Variants in BCL11A observed in about 807,000 individuals in gnomAD.
BCL11A encodes BCL11 transcription factor A, also known as B cell CLL/lymphoma 11A.
A neutral mutation model predicts 55.9 loss-of-function variants in BCL11A; 2 were observed. That is an observed-to-expected ratio of 0.04 (90% confidence interval 0.01 to 0.11). The LOEUF is 0.11. Ranked by LOEUF, BCL11A falls within the 10% of genes least tolerant of loss-of-function variation. The probability of loss-of-function intolerance (pLI) is 1.00; values close to 1 mark genes in which losing one functional copy is unlikely to be tolerated. For missense variants in BCL11A, 817 were observed against 1,137.1 expected, an observed-to-expected ratio of 0.72 and a Z score of 4.05; for synonymous variants, 465 against 473.4, an observed-to-expected ratio of 0.98 and a Z score of 0.23.
intron 2 of BCL11A, among the ~76,000 whole-genome samples, chr2:60,469,258 C>G (rs980191381): frequency 6.6e-6 from 1 of 152,192 alleles, no homozygotes; most frequent in Admixed American, 6.5e-5. Flanking sequence ...TAGACAAACC[C>G]AAGCAAAAAG....
Position 60,495,084 on chromosome 2 carries a change from G to A in BCL11A, c.386-26251C>T, listed in dbSNP as rs147659683. Among the ~76,000 whole-genome samples the A allele has an allele frequency of 1.3e-4, 20 of 152,254 alleles. 1 individual carries two copies. In the East Asian group the frequency reaches 2.3e-3, roughly 18 times the overall value. ...CCTTTACAATTTTGGGAGTCCACAC[G>A]GCATGGCATACAAATTATTTCATTC... is the stretch of plus-strand genomic sequence containing the variant. On this transcript the variant is annotated intron_variant, in intron 2 of 3. Coordinates refer to ENST00000642384, the MANE Select transcript of BCL11A (RefSeq NM_022893.4).
chr2:60,490,399 A>G (rs780146006), intron 2 of BCL11A, among the ~76,000 whole-genome samples: 6 of 152,086 alleles, frequency 3.9e-5, no homozygotes, highest in Non-Finnish European at 5.9e-5. Flanking sequence ...TCCAACTCCA[A>G]TTTTCTATTC....
rs1676299596 is a variant in BCL11A, at chr2:60,461,628, C to T, written c.1284G>A (p.Met428Ile). 3 of 1,613,684 alleles carry T rather than the reference C, an allele frequency of 1.9e-6. No individual in the cohort carries two copies. The highest frequency in any genetic ancestry group is 1.7e-5 in the Admixed American group (1 of 60,012). The change falls in exon 4 of 4, where the codon ATG (methionine) becomes ATA (isoleucine). Residue 428 changes from methionine (M) to isoleucine (I), a missense_variant. Physicochemically the swap from Met to Ile is conservative, Grantham distance 10 (BLOSUM62 1). Transcript: ENST00000642384. Reference sequence around the variant, plus strand: ...TGACCGTCATGGGGGACGATTTGTGCATGTGCGTCTTCATGTGGCGCTTCA... The same window carrying T: ...TGACCGTCATGGGGGACGATTTGTGTATGTGCGTCTTCATGTGGCGCTTCA... ...SKLKRHMKTH[M>I]HKSSPMTVKS...
intron 3 of BCL11A, among the ~76,000 whole-genome samples, chr2:60,467,182 G>A (rs1423938070): frequency 1.2e-3 from 167 of 143,870 alleles, no homozygotes; most frequent in Non-Finnish European, 1.9e-3. Flanking sequence ...TGGTGGTGGT[G>A]GTGGTGATGG....
intron 1 of BCL11A, among the ~76,000 whole-genome samples, chr2:60,552,713 T>C (rs930384913): frequency 6.6e-6 from 1 of 152,160 alleles, no homozygotes; most frequent in African/African-American, 2.4e-5. Context: ...AAAGCCAGTC[T>C]CACCTCTTTT....
rs1676116567 is a variant in BCL11A, at chr2:60,459,564, A to G, written c.*840T>C. 9.8e-7 allele frequency: 1 copy of G among 1,025,366 alleles called. No individual in the cohort carries two copies. Among genetic ancestry groups the G allele is most frequent in the African/African-American group, 1.7e-5 (1 of 58,884 alleles). 63.5% of individuals were successfully genotyped at this position (1,025,366 alleles called of 1,614,324 possible). A position where few individuals can be genotyped will look rare whatever the true frequency, so the allele number is the denominator to read the frequency against. ...AGGTAGCCATTGTTGTGAGAAATACAATATAGAATTATATGCTAGTTCCTA... is the reference window on the plus strand; with the variant it reads ...AGGTAGCCATTGTTGTGAGAAATACGATATAGAATTATATGCTAGTTCCTA... On this transcript the variant is annotated 3_prime_UTR_variant, in exon 4 of 4. Coordinates refer to ENST00000642384, the MANE Select transcript of BCL11A (RefSeq NM_022893.4).
chr2:60,552,004 C>CA (rs1670433002), intron 1 of BCL11A, among the ~76,000 whole-genome samples: 1 of 151,964 alleles, frequency 6.6e-6, no homozygotes, highest in Non-Finnish European at 1.5e-5. Context: ...GAAAATCTTC[C>CA]AAAAAATAGT....
chr2:60,534,189 G>C (rs535712446), intron 2 of BCL11A: 9 of 152,390 alleles, frequency 5.9e-5, no homozygotes, highest in African/African-American at 1.9e-4. Context: ...CGTGTACCTT[G>C]AGGGAGACAC....
chr2:60,461,681 C>G lies in BCL11A; in HGVS notation c.1231G>C (p.Asp411His). ...GEKPYKCNLCDHACTQASKLK... is the reference protein window; with the variant it reads ...GEKPYKCNLCHHACTQASKLK... ...TTGCTGGCCTGGGTGCACGCGTGGT[C>G]GCACAGGTTGCACTTGTAGGGCTTC... is the stretch of plus-strand genomic sequence containing the variant. The change falls in exon 4 of 4, where the codon GAC becomes CAC. Residue 411 changes from aspartate (D) to histidine (H), a missense_variant. This residue lies in a region of BCL11A where 45 missense variants were observed against 109.0 expected (regional missense o/e 0.41). Coordinates refer to ENST00000642384, the MANE Select transcript of BCL11A (RefSeq NM_022893.4). 1 of 1,614,008 alleles carries G rather than the reference C, an allele frequency of 6.2e-7. No homozygotes were observed. The highest frequency in any genetic ancestry group is 8.5e-7 in the Non-Finnish European group (1 of 1,180,046).
chr2:60,508,846 T>A (rs1210223200), intron 2 of BCL11A: 1 of 152,304 alleles, frequency 6.6e-6, no homozygotes, highest in Non-Finnish European at 1.5e-5. Flanking sequence ...GAAGAGTTTG[T>A]TCTACATGTG....
At chr2:60,452,051 C>A (rs1469358998) in exon 5 of BCL11A, 2 of 226,000 alleles carry the variant, frequency 8.8e-6, no homozygotes, top group Non-Finnish European at 1.8e-5. Context: ...TCTGTTCCTC[C>A]TACCCACCCG....
chr2:60,511,841 C>T (rs1400687225), intron 2 of BCL11A, among the ~76,000 whole-genome samples: 1 of 152,140 alleles, frequency 6.6e-6, no homozygotes, highest in Admixed American at 6.5e-5. Context: ...TCTATGAAGG[C>T]AAGGGTTGGA....
chr2:60,493,765 C>A (rs1219205141), intron 2 of BCL11A, among the ~76,000 whole-genome samples: 3 of 152,192 alleles, frequency 2.0e-5, no homozygotes, highest in African/African-American at 7.2e-5. Context: ...AGGTCTCACA[C>A]AACACTCCAG....
At chr2:60,542,564 A>G (rs1669970843) in intron 2 of BCL11A, 1 of 152,244 alleles carries the variant, frequency 6.6e-6, no homozygotes, top group South Asian at 2.1e-4. Flanking sequence ...AGCTAAATTA[A>G]TACTACTTCA....
At chr2:60,495,549 G>A (rs971391352) in intron 2 of BCL11A, 1 of 152,232 alleles carries the variant, frequency 6.6e-6, no homozygotes, top group Admixed American at 6.5e-5. Flanking sequence ...CCTCAGAGTA[G>A]AACCCCCTAT....
chr2:60,546,521 A>T lies in BCL11A; in HGVS notation c.56-221T>A, dbSNP rs776882523. On this transcript the variant is annotated intron_variant, in intron 1 of 3. Coordinates refer to ENST00000642384, the MANE Select transcript of BCL11A (RefSeq NM_022893.4). The surrounding 1 kb of genome is among the most constrained non-coding windows in gnomAD (Gnocchi z 4.1). ...ATGAGGCAAATCATCACATATGTAA[A>T]GAAAACAGTCTTCCTTGCATAACTC... is the stretch of plus-strand genomic sequence containing the variant. The T allele has an allele frequency of 3.8e-5, 21 of 549,492 alleles. No individual in the cohort carries two copies. Among genetic ancestry groups the T allele is most frequent in the Non-Finnish European group, 5.8e-5 (18 of 307,876 alleles). 34.0% of individuals were successfully genotyped at this position (549,492 alleles called of 1,614,324 possible).
intron 2 of BCL11A, among the ~76,000 whole-genome samples, chr2:60,501,266 A>G (rs1679261515): frequency 6.6e-6 from 1 of 152,184 alleles, no homozygotes; most frequent in Admixed American, 6.5e-5. Flanking sequence ...GCCAGAACAA[A>G]ATGGAATGAG....
chr2:60,453,612 C>A (rs1382604480), downstream of BCL11A, among the ~76,000 whole-genome samples: 1 of 152,204 alleles, frequency 6.6e-6, no homozygotes, highest in African/African-American at 2.4e-5. Context: ...CCCAGTCCAG[C>A]GCTAAGTCAC....
rs185027121 is a variant in BCL11A, at chr2:60,458,573, C to T, written c.*1831G>A. 14 of 1,036,986 alleles carry T rather than the reference C, an allele frequency of 1.4e-5. 1 individual carries two copies. The Admixed American group carries it at 7.4e-4, about 54-fold the overall frequency. The allele number at this position is 1,036,986 out of a possible 1,614,324, so 64.2% of individuals were successfully genotyped here. On this transcript the variant is annotated 3_prime_UTR_variant, in exon 4 of 4. Coordinates refer to ENST00000642384, the MANE Select transcript of BCL11A (RefSeq NM_022893.4). ...GCAATGTTGCGTCCAAGTAAGTAAG[C>T]TCAATAGTCAAGTAAATGGCTGGCA...
Sources: gnomAD v4.1 joint callset for allele counts (sites outside exome capture counted in the v4.1 genomes callset) on GRCh38, gnomAD v4.1.1 for gene constraint, gnomAD v4.1.1 regional missense constraint, Gnocchi (gnomAD v3.1) non-coding constraint, MANE v1.5 for transcripts, NCBI Gene and HGNC (gene_info 2026-07-23, HGNC 2026-07-21) for gene names.